GYG1: variants seen among roughly 807,000 people sequenced by gnomAD.
GYG1 encodes glycogenin-1.
In GYG1, 44 loss-of-function variants were observed where a neutral mutation model predicts 41.9. The ratio of observed to expected loss-of-function variants is 1.05; its 90% CI spans 0.83 to 1.35. The LOEUF is 1.35. GYG1 is among the 40% of genes most tolerant of loss of function. GYG1 has a pLI of 0.00. For missense variants in GYG1, 429 were observed against 418.9 expected (o/e 1.02, Z -0.21); for synonymous variants, 141 against 158.1 (o/e 0.89, Z 0.81).
Position 148,997,009 on chromosome 3 carries a change from T to A in GYG1, c.481+105T>A, listed in dbSNP as rs779734680. Reference sequence around the variant, plus strand: ...TGTGGTTTATTCTGCCTGGAAGATATAAGAGATGGAGCAAGCATTTTAAGT... The same window carrying A: ...TGTGGTTTATTCTGCCTGGAAGATAAAAGAGATGGAGCAAGCATTTTAAGT... On this transcript the variant is annotated intron_variant, in intron 4 of 7. Transcript: ENST00000345003. 3 of 870,744 alleles carry A rather than the reference T, an allele frequency of 3.4e-6. No individual in the cohort carries two copies. In the African/African-American group the frequency reaches 5.0e-5, roughly 14 times the overall value. 53.9% of individuals were successfully genotyped at this position (870,744 alleles called of 1,614,324 possible).
chr3:148,994,234 A>ATT lies in GYG1; in HGVS notation c.100_101insTT (p.Arg34IlefsTer15). The ATT allele has an allele frequency of 2.7e-5, 44 of 1,614,044 alleles. No homozygotes were observed. The highest frequency in any genetic ancestry group is 3.6e-5 in the Non-Finnish European group (43 of 1,179,912). ...TCTGAAACAGCACAGGACCACCAGG[A>ATT]GGCTGGTCGTGCTCGCCACCCCTCA... On this transcript the variant is annotated frameshift_variant, in exon 2 of 8. Transcript: ENST00000345003. LOFTEE classifies it high-confidence loss of function.
chr3:149,006,597 T>G (rs1713417385), intron 4 of GYG1, among the ~76,000 whole-genome samples: 1 of 152,236 alleles, frequency 6.6e-6, no homozygotes, highest in Non-Finnish European at 1.5e-5. Context: ...GTCTTATAGC[T>G]GAGAAATATC....
rs1036890031 is a variant in GYG1, at chr3:149,010,698, G to A, written c.608+1296G>A. Reference sequence around the variant, plus strand: ...ACTGTTTATCTCACTGTTAGGGACAGGATCCTATTATTTAGCCTCTGACTC... The same window carrying A: ...ACTGTTTATCTCACTGTTAGGGACAAGATCCTATTATTTAGCCTCTGACTC... On this transcript the variant is annotated intron_variant, in intron 5 of 7. Transcript: ENST00000345003. 7.2e-5 allele frequency among the ~76,000 whole-genome samples: 11 copies of A among 152,094 alleles called. 1 individual carries two copies. Among genetic ancestry groups the A allele is most frequent in the South Asian group, 4.1e-4 (2 of 4,828 alleles).
intron 5 of GYG1, among the ~76,000 whole-genome samples, chr3:149,011,916 T>C (rs751431244): frequency 6.6e-5 from 10 of 152,198 alleles, no homozygotes; most frequent in Non-Finnish European, 1.5e-4. Context: ...TCAGTGCAGC[T>C]TGTGGGGGTC....
At chr3:149,011,027 A>G (rs928062196) in intron 5 of GYG1, among the ~76,000 whole-genome samples, 2 of 152,216 alleles carry the variant, frequency 1.3e-5, no homozygotes, top group African/African-American at 4.8e-5. Flanking sequence ...TAAGGATTAG[A>G]AGCATCTCAT....
At chr3:149,010,327 CTTTTT>C (rs11480779) in intron 5 of GYG1, among the ~76,000 whole-genome samples, 3,779 of 129,418 alleles carry the variant, frequency 0.029, 106 homozygotes, top group African/African-American at 0.089. Context: ...TGGTGCAGTT[CTTTTT>C]TTTTTTTTTT....
Position 149,027,032 on chromosome 3 carries a change from G to T in GYG1, c.*99G>T. 7.7e-7 allele frequency: 1 copy of T among 1,304,710 alleles called. No homozygotes were observed. The highest frequency in any genetic ancestry group is 1.2e-5 in the South Asian group (1 of 83,226). The allele number at this position is 1,304,710 out of a possible 1,614,324, so 80.8% of individuals were successfully genotyped here. A position where few individuals can be genotyped will look rare whatever the true frequency, so the allele number is the denominator to read the frequency against. The stretch of plus-strand genomic sequence containing the variant: ...TGAGAAAAGTCTGTTACAGTTGCTA[G>T]AGGTTTTCATTAAAACTTATCAGAT... On this transcript the variant is annotated 3_prime_UTR_variant, in exon 8 of 8. Transcript: ENST00000345003.
chr3:149,024,045 C>T lies in GYG1; in HGVS notation c.609-8C>T. On this transcript the variant is annotated splice_region_variant and splice_polypyrimidine_tract_variant and intron_variant, in intron 5 of 7. Coordinates refer to ENST00000345003, the MANE Select transcript of GYG1 (RefSeq NM_004130.4). ...CACTAACTGTTTCAACTTGCGTTCACTTGGCAGGTTTGGTGCAAGTGCCAA... is the reference window on the plus strand; with the variant it reads ...CACTAACTGTTTCAACTTGCGTTCATTTGGCAGGTTTGGTGCAAGTGCCAA... 1.9e-6 allele frequency: 3 copies of T among 1,607,492 alleles called. No individual in the cohort carries two copies. Among genetic ancestry groups the T allele is most frequent in the Non-Finnish European group, 2.6e-6 (3 of 1,173,950 alleles).
chr3:149,017,582 G>GTTTTTTTTTTTTT lies in GYG1; in HGVS notation c.609-6453_609-6441dup, dbSNP rs58075146. 2.3e-4 allele frequency among the ~76,000 whole-genome samples: 11 copies of GTTTTTTTTTTTTT among 47,372 alleles called. 1 individual carries two copies. Among genetic ancestry groups the GTTTTTTTTTTTTT allele is most frequent in the African/African-American group, 5.0e-4 (9 of 18,078 alleles). 31.1% of individuals were successfully genotyped at this position (47,372 alleles called of 152,430 possible). A position where few individuals can be genotyped will look rare whatever the true frequency, so the allele number is the denominator to read the frequency against. On this transcript the variant is annotated intron_variant, in intron 5 of 7. Coordinates refer to ENST00000345003, the MANE Select transcript of GYG1 (RefSeq NM_004130.4). ...TTATTTATTTATTTCTTTTATTTAG[G>GTTTTTTTTTTTTT]TTTTTTTTTTTTTTTTTTTTTTTTT...
At chr3:148,999,819 C>T (rs1712994651) in intron 4 of GYG1, among the ~76,000 whole-genome samples, 3 of 152,154 alleles carry the variant, frequency 2.0e-5, no homozygotes. Flanking sequence ...TCACAGTTAC[C>T]CACATTTTCT....
chr3:149,022,173 C>T (rs1023191770), intron 5 of GYG1, among the ~76,000 whole-genome samples: 2 of 152,198 alleles, frequency 1.3e-5, no homozygotes, highest in Non-Finnish European at 2.9e-5. Context: ...TTTGCTTTGA[C>T]ACTTGTTACA....
At chr3:149,021,402 A>C (rs1714367294) in intron 5 of GYG1, among the ~76,000 whole-genome samples, 1 of 152,254 alleles carries the variant, frequency 6.6e-6, no homozygotes, top group African/African-American at 2.4e-5. Context: ...AATAAAGAGT[A>C]AGCTTGGGGA....
Position 149,027,057 on chromosome 3 carries a change from T to TGA in GYG1, c.*128_*129dup, listed in dbSNP as rs779185556. The TGA allele has an allele frequency of 9.9e-7, 1 of 1,010,162 alleles. No homozygotes were observed. Among genetic ancestry groups the TGA allele is most frequent in the Non-Finnish European group, 1.5e-6 (1 of 658,606 alleles). The allele number at this position is 1,010,162 out of a possible 1,614,324, so 62.6% of individuals were successfully genotyped here. A position where few individuals can be genotyped will look rare whatever the true frequency, so the allele number is the denominator to read the frequency against. On this transcript the variant is annotated 3_prime_UTR_variant, in exon 8 of 8. Transcript: ENST00000345003. ...GAGGTTTTCATTAAAACTTATCAGA[T>TGA]GAGAGGCTTTTTTAGGATAAGAGGT...
rs1576534412 is a variant in GYG1, at chr3:148,991,734, C to G, written c.7+87C>G. ...CTCCCTTCTCCTCCGCCCTCAGCCC[C>G]GGAGTGTTCCCGGCAGGACGAAACC... On this transcript the variant is annotated intron_variant, in intron 1 of 7. Transcript: ENST00000345003. The G allele has an allele frequency of 5.4e-6, 6 of 1,111,582 alleles. No individual in the cohort carries two copies. The East Asian group carries it at 1.6e-4, about 31-fold the overall frequency. The allele number at this position is 1,111,582 out of a possible 1,614,324, so 68.9% of individuals were successfully genotyped here.
At position 149,028,705 on chromosome 3, in the gene GYG1, A is replaced by ATTTTTTTT. The variant is rs71617496; in HGVS notation, c.*1788_*1795dup. Among the ~76,000 whole-genome samples the ATTTTTTTT allele has an allele frequency of 4.5e-5, 6 of 133,720 alleles. No homozygotes were observed. Among genetic ancestry groups the ATTTTTTTT allele is most frequent in the Admixed American group, 1.5e-4 (2 of 13,080 alleles). 87.7% of individuals were successfully genotyped at this position (133,720 alleles called of 152,430 possible). On this transcript the variant is annotated 3_prime_UTR_variant, in exon 8 of 8. Transcript: ENST00000345003. ...GGTGGAAAAGCTGACATAGTTTTAA[A>ATTTTTTTT]TTTTTTTTTTTTTTTTTTTTTTTCT...
intron 5 of GYG1, among the ~76,000 whole-genome samples, chr3:149,019,364 T>TG (rs964813978): frequency 3.9e-4 from 59 of 152,304 alleles, no homozygotes; most frequent in African/African-American, 1.3e-3. Flanking sequence ...GGGTAGCTGT[T>TG]GGGAGGCTAC....
At chr3:148,996,595 A>G in intron 3 of GYG1, 119 bp downstream of exon 3, 1 of 1,205,072 alleles carries the variant, frequency 8.3e-7, no homozygotes, top group East Asian at 2.4e-5. Context: ...AACCACTGTC[A>G]TGAAATATGT....
chr3:149,003,878 G>C (rs970728251), intron 4 of GYG1: 3 of 152,186 alleles, frequency 2.0e-5, no homozygotes, highest in Admixed American at 6.5e-5. Context: ...CTGTGGAAGA[G>C]CACGCAAAGT....
chr3:149,016,120 G>A (rs1276578639), intron 5 of GYG1, among the ~76,000 whole-genome samples: 1 of 152,018 alleles, frequency 6.6e-6, no homozygotes, highest in Non-Finnish European at 1.5e-5. Flanking sequence ...AATTAGCTGG[G>A]TGTGGTGGCG....
Sources: gnomAD v4.1 joint callset for allele counts (sites outside exome capture counted in the v4.1 genomes callset) on GRCh38, gnomAD v4.1.1 for gene constraint, MANE v1.5 for transcripts, NCBI Gene and HGNC (gene_info 2026-07-23, HGNC 2026-07-21) for gene names.